Variants in ADAMTSL1 observed in about 807,000 individuals in gnomAD.
The protein encoded by ADAMTSL1 is ADAMTS-like protein 1.
A neutral mutation model predicts 201.8 loss-of-function variants in ADAMTSL1; 126 were observed. The observed-to-expected ratio is 0.62, with a 90% CI of 0.54 to 0.72. The LOEUF is 0.72. ADAMTSL1 is among the 30% of genes least tolerant of loss of function. ADAMTSL1 has a pLI of 0.00. For missense variants in ADAMTSL1, 2,679 were observed against 2,277.8 expected (o/e 1.18, Z -3.59); for synonymous variants, 1,121 against 903.4 (o/e 1.24, Z -4.32).
At chr9:18,363,585 C>G (rs1836625039) in intron 2 of ADAMTSL1, among the ~76,000 whole-genome samples, 1 of 152,108 alleles carries the variant, frequency 6.6e-6, no homozygotes, top group South Asian at 2.1e-4. Flanking sequence ...TGCTTATAAA[C>G]CACTTAACAT....
At position 18,099,636 on chromosome 9, in the gene ADAMTSL1, C is replaced by CT. The variant is rs35621900; in HGVS notation, c.88-64210dup. On this transcript the variant is annotated intron_variant, in intron 1 of 29. Coordinates refer to the ADAMTSL1 transcript ENST00000680146. ...TCTTTCTTCCTTTTTCTCTCTCTCC[C>CT]TTTTTTTTTTTTTTTTCTTGAGATG... Among the ~76,000 whole-genome samples the CT allele has an allele frequency of 5.8e-3, 777 of 134,006 alleles. 9 individuals are homozygous for CT. Among genetic ancestry groups the CT allele is most frequent in the South Asian group, 0.053 (226 of 4,250 alleles). The allele number at this position is 134,006 out of a possible 152,430, so 87.9% of individuals were successfully genotyped here. A position where few individuals can be genotyped will look rare whatever the true frequency, so the allele number is the denominator to read the frequency against.
At chr9:18,623,612 C>T (rs371843616) in intron 5 of ADAMTSL1, among the ~76,000 whole-genome samples, 2 of 152,112 alleles carry the variant, frequency 1.3e-5, no homozygotes, top group South Asian at 2.1e-4. Context: ...TCTCATGGTA[C>T]CTACGCCAAA....
intron 23 of ADAMTSL1, among the ~76,000 whole-genome samples, chr9:18,839,909 G>T: frequency 6.8e-6 from 1 of 147,818 alleles, no homozygotes; most frequent in East Asian, 2.0e-4. Context: ...AAATTTGTTT[G>T]AGTTCATTGT....
chr9:18,795,905 TG>T (rs1220485981), intron 20 of ADAMTSL1, among the ~76,000 whole-genome samples: 1 of 152,234 alleles, frequency 6.6e-6, no homozygotes, highest in Non-Finnish European at 1.5e-5. Context: ...GTCATCTCCT[TG>T]TTCCACCTGT....
At chr9:18,645,106 T>A (rs1587782250) in intron 7 of ADAMTSL1, among the ~76,000 whole-genome samples, 1 of 152,306 alleles carries the variant, frequency 6.6e-6, no homozygotes, top group East Asian at 1.9e-4. Context: ...GGTATCTCAT[T>A]GTGGTTTTGA....
At chr9:18,026,278 T>C (rs1459311350) in intron 1 of ADAMTSL1, among the ~76,000 whole-genome samples, 2 of 152,094 alleles carry the variant, frequency 1.3e-5, no homozygotes, top group East Asian at 3.9e-4. Context: ...CATTCTTGTC[T>C]TCTTTCAGTT....
chr9:17,957,892 C>T (rs1827991869), intron 1 of ADAMTSL1, among the ~76,000 whole-genome samples: 2 of 152,082 alleles, frequency 1.3e-5, no homozygotes, highest in African/African-American at 4.8e-5. Flanking sequence ...TTTCTAGATC[C>T]TTCAGAGGAA....
intron 24 of ADAMTSL1, among the ~76,000 whole-genome samples, chr9:18,889,008 A>G (rs1427510735): frequency 6.6e-6 from 1 of 152,112 alleles, no homozygotes; most frequent in African/African-American, 2.4e-5. Flanking sequence ...TTACCATCTC[A>G]CCTATCAGTG....
intron 20 of ADAMTSL1, among the ~76,000 whole-genome samples, chr9:18,807,650 A>AATC (rs1823239998): frequency 7.7e-6 from 1 of 130,558 alleles, no homozygotes; most frequent in Non-Finnish European, 1.7e-5. Context: ...TGTCTCAAAA[A>AATC]AAAAAAAACA....
intron 2 of ADAMTSL1, among the ~76,000 whole-genome samples, chr9:18,527,751 G>T (rs1281563113): frequency 6.6e-6 from 1 of 152,146 alleles, no homozygotes; most frequent in South Asian, 2.1e-4. Flanking sequence ...ATAATAGCTT[G>T]TGATTGAGAT....
At chr9:18,177,408 G>C (rs182643146) in intron 2 of ADAMTSL1, among the ~76,000 whole-genome samples, 1 of 152,130 alleles carries the variant, frequency 6.6e-6, no homozygotes, top group Non-Finnish European at 1.5e-5. Context: ...TGGCTAAAAC[G>C]TTGCGTCATT....
chr9:18,493,774 G>C (rs984271236), intron 1 of ADAMTSL1, among the ~76,000 whole-genome samples: 2 of 152,264 alleles, frequency 1.3e-5, no homozygotes, highest in East Asian at 3.9e-4. Flanking sequence ...TAATCTGAAT[G>C]TATATGGACA....
intron 2 of ADAMTSL1, among the ~76,000 whole-genome samples, chr9:18,178,365 C>T (rs1051415311): frequency 3.9e-5 from 6 of 152,352 alleles, no homozygotes; most frequent in East Asian, 3.9e-4. Flanking sequence ...GCACCTGGCT[C>T]GGAGGGTCCT....
At chr9:18,768,937 T>C (rs1168337854) in intron 16 of ADAMTSL1, among the ~76,000 whole-genome samples, 1 of 152,086 alleles carries the variant, frequency 6.6e-6, no homozygotes, top group Non-Finnish European at 1.5e-5. Flanking sequence ...TGGGGAAAAA[T>C]TACTTGGAAG....
At chr9:18,328,548 A>G (rs146788323) in intron 2 of ADAMTSL1, among the ~76,000 whole-genome samples, 3 of 152,348 alleles carry the variant, frequency 2.0e-5, no homozygotes, top group African/African-American at 7.2e-5. Flanking sequence ...GGCATGGAGA[A>G]CTGAAGAAAC....
chr9:18,826,276 C>A lies in ADAMTSL1; in HGVS notation c.3935-8C>A, dbSNP rs80308610. 2.0e-6 allele frequency: 3 copies of A among 1,535,400 alleles called. No individual in the cohort carries two copies. The highest frequency in any genetic ancestry group is 2.4e-5 in the East Asian group (1 of 42,344). On this transcript the variant is annotated splice_region_variant and splice_polypyrimidine_tract_variant and intron_variant, in intron 21 of 28. Coordinates refer to ENST00000380548, the MANE Select transcript of ADAMTSL1 (RefSeq NM_001040272.6). ...GTGGGGTTTTTTGTTTTTTTTTTTT[C>A]TTCCTAGGAGTGCCTGAAGCTGAAG...
chr9:18,316,345 C>T (rs980456441), intron 2 of ADAMTSL1, among the ~76,000 whole-genome samples: 2 of 152,060 alleles, frequency 1.3e-5, no homozygotes, highest in African/African-American at 4.8e-5. Context: ...TTTCCTCTTC[C>T]TAATAAGCCT....
intron 2 of ADAMTSL1, among the ~76,000 whole-genome samples, chr9:18,228,843 T>G (rs1187598266): frequency 6.3e-5 from 5 of 79,658 alleles, no homozygotes; most frequent in Admixed American, 4.4e-4. Flanking sequence ...AGTTTTTTTG[T>G]TTTTTTTTTT....
intron 3 of ADAMTSL1, among the ~76,000 whole-genome samples, chr9:18,557,202 C>T (rs545138249): frequency 3.7e-4 from 56 of 152,100 alleles, no homozygotes; most frequent in African/African-American, 1.3e-3. Flanking sequence ...CATAAGAGAA[C>T]ACCCTGTCTC....
Sources: gnomAD v4.1 joint callset for allele counts (sites outside exome capture counted in the v4.1 genomes callset) on GRCh38, gnomAD v4.1.1 for gene constraint, MANE v1.5 for transcripts, NCBI Gene and HGNC (gene_info 2026-07-23, HGNC 2026-07-21) for gene names.